Variants in LRP1B observed in about 807,000 individuals in gnomAD.
The protein encoded by LRP1B is LDL receptor related protein 1B, also known as low-density lipoprotein receptor-related protein 1B.
In LRP1B, 217 loss-of-function variants were observed where a neutral mutation model predicts 556.6. The ratio of observed to expected loss-of-function variants is 0.39; its 90% confidence interval spans 0.35 to 0.44. The LOEUF is 0.44. Ranked by LOEUF, LRP1B falls within the 20% of genes least tolerant of loss-of-function variation. The pLI is 1.00. For synonymous variants in LRP1B, 2,047 were observed against 1,865.8 expected (o/e 1.10, Z -2.50); for missense variants, 5,053 against 5,620.8 (o/e 0.90, Z 3.23).
chr2:141,234,026 A>C (rs1683566501), intron 5 of LRP1B, among the ~76,000 whole-genome samples: 1 of 152,182 alleles, frequency 6.6e-6, no homozygotes, highest in Non-Finnish European at 1.5e-5. Context: ...TCCCAGTTTT[A>C]ACTGCATAAA....
chr2:140,449,866 A>G (rs565451522), intron 63 of LRP1B, among the ~76,000 whole-genome samples: 9 of 152,254 alleles, frequency 5.9e-5, no homozygotes, highest in Admixed American at 2.0e-4. Context: ...GTGATTGACT[A>G]CGAGCATCTT....
chr2:141,961,157 C>G (rs531114009), intron 1 of LRP1B, among the ~76,000 whole-genome samples: 1 of 151,224 alleles, frequency 6.6e-6, no homozygotes, highest in Admixed American at 6.6e-5. Flanking sequence ...GTAATTTGGC[C>G]AAATTAAATT....
intron 37 of LRP1B, among the ~76,000 whole-genome samples, chr2:140,707,649 T>C (rs1379849533): frequency 6.6e-6 from 1 of 152,124 alleles, no homozygotes; most frequent in Non-Finnish European, 1.5e-5. Context: ...TATGAGTACA[T>C]GATTGGACAT....
Position 141,080,464 on chromosome 2 carries a change from A to G in LRP1B, c.1014-18191T>C, listed in dbSNP as rs529732035. ...TTTCATAACCTGCTTTTCCTGTCTT[A>G]AAAGTAAATAATATTTTATTTCTGA... On this transcript the variant is annotated intron_variant, in intron 7 of 90. Coordinates refer to ENST00000389484, the MANE Select transcript of LRP1B (RefSeq NM_018557.3). Among the ~76,000 whole-genome samples, 193 of 152,266 alleles carry G rather than the reference A, an allele frequency of 1.3e-3. 1 individual carries two copies. Among genetic ancestry groups the G allele is most frequent in the African/African-American group, 3.9e-3 (160 of 41,540 alleles).
intron 41 of LRP1B, among the ~76,000 whole-genome samples, chr2:140,697,689 G>C (rs1272143356): frequency 6.6e-6 from 1 of 151,798 alleles, no homozygotes; most frequent in Non-Finnish European, 1.5e-5. Flanking sequence ...CAGGCGCAAA[G>C]GACAAATACA....
intron 2 of LRP1B, among the ~76,000 whole-genome samples, chr2:141,513,544 T>A (rs964969250): frequency 2.6e-5 from 4 of 152,126 alleles, no homozygotes; most frequent in African/African-American, 7.2e-5. Flanking sequence ...CAAAACTAGC[T>A]TTATTCTTTG....
intron 49 of LRP1B, among the ~76,000 whole-genome samples, chr2:140,519,713 C>A (rs1440704193): frequency 6.6e-6 from 1 of 152,168 alleles, no homozygotes; most frequent in Admixed American, 6.6e-5. Context: ...CTCTACCCAT[C>A]TGACAAAGGG....
chr2:141,357,461 C>A (rs1160237329), intron 3 of LRP1B, among the ~76,000 whole-genome samples: 1 of 152,084 alleles, frequency 6.6e-6, no homozygotes, highest in African/African-American at 2.4e-5. Context: ...AGGAGTCAAA[C>A]CTAAAATGCA....
Position 140,514,791 on chromosome 2 carries a change from GAA to G in LRP1B, c.8150-21_8150-20del, listed in dbSNP as rs199711847. 9.3e-3 allele frequency: 11,647 copies of G among 1,258,872 alleles called. 676 individuals are homozygous for G. The African/African-American group carries it at 0.15, about 16-fold the overall frequency. The allele number at this position is 1,258,872 out of a possible 1,614,324, so 78.0% of individuals were successfully genotyped here. A position where few individuals can be genotyped will look rare whatever the true frequency, so the allele number is the denominator to read the frequency against. On this transcript the variant is annotated intron_variant, in intron 50 of 90. Coordinates refer to ENST00000389484, the MANE Select transcript of LRP1B (RefSeq NM_018557.3). ...GAAGAATCTAGGAAACAAACAAAAG[GAA>G]AAAAAAAAATAGTTTGAGACCGTCT... is the stretch of plus-strand genomic sequence containing the variant.
At chr2:140,505,768 C>T (rs575783976) in intron 53 of LRP1B, among the ~76,000 whole-genome samples, 79 of 152,262 alleles carry the variant, frequency 5.2e-4, no homozygotes, top group Non-Finnish European at 7.6e-4. Context: ...AGGCTATAGA[C>T]GCTGCACAGG....
intron 3 of LRP1B, among the ~76,000 whole-genome samples, chr2:141,288,260 A>T (rs1685800033): frequency 6.6e-6 from 1 of 151,722 alleles, no homozygotes; most frequent in Non-Finnish European, 1.5e-5. Context: ...TTTGTTTTCA[A>T]CTGTCCTTTG....
chr2:141,835,363 C>G (rs543609207), intron 1 of LRP1B, among the ~76,000 whole-genome samples: 1 of 152,044 alleles, frequency 6.6e-6, no homozygotes, highest in East Asian at 1.9e-4. Context: ...GTTCCACTAT[C>G]ACCCTGTCAA....
intron 2 of LRP1B, among the ~76,000 whole-genome samples, chr2:141,591,211 C>G (rs1000975701): frequency 6.6e-6 from 1 of 152,132 alleles, no homozygotes; most frequent in Admixed American, 6.6e-5. Flanking sequence ...CTAATTACTC[C>G]AGAGCTTCAT....
intron 3 of LRP1B, among the ~76,000 whole-genome samples, chr2:141,473,659 G>A (rs1005260624): frequency 1.8e-4 from 27 of 152,060 alleles, no homozygotes; most frequent in Admixed American, 6.6e-4. Flanking sequence ...AGTGTTCTGA[G>A]CTCACAAACC....
chr2:140,630,696 G>C (rs776882871), intron 41 of LRP1B, among the ~76,000 whole-genome samples: 1 of 152,134 alleles, frequency 6.6e-6, no homozygotes, highest in Non-Finnish European at 1.5e-5. Flanking sequence ...TTTCTGGCAG[G>C]GGAAAGGGAA....
intron 3 of LRP1B, among the ~76,000 whole-genome samples, chr2:141,277,728 C>T (rs1349359117): frequency 1.3e-5 from 2 of 149,924 alleles, no homozygotes; most frequent in African/African-American, 2.5e-5. Flanking sequence ...CTATGACACC[C>T]AGGGAAAGAA....
intron 18 of LRP1B, among the ~76,000 whole-genome samples, chr2:140,969,127 G>A (rs56252309): frequency 0.031 from 4,659 of 152,186 alleles, 179 homozygotes; most frequent in African/African-American, 0.09. Flanking sequence ...GTTAACAGTG[G>A]TGTGTTAAAG....
chr2:140,397,077 G>C (rs147418390), intron 66 of LRP1B, among the ~76,000 whole-genome samples: 2 of 152,280 alleles, frequency 1.3e-5, no homozygotes, highest in East Asian at 3.9e-4. Flanking sequence ...ATATATGGAA[G>C]ATTAGAAGAC....
intron 84 of LRP1B, among the ~76,000 whole-genome samples, chr2:140,294,557 T>A (rs1468723212): frequency 6.6e-6 from 1 of 152,008 alleles, no homozygotes; most frequent in Non-Finnish European, 1.5e-5. Flanking sequence ...AAAAAGCAAA[T>A]GGTGTTTAAG....
Sources: allele counts gnomAD v4.1 joint callset (sites outside exome capture counted in the v4.1 genomes callset), GRCh38; gene constraint gnomAD v4.1.1; transcripts MANE v1.5; gene names NCBI Gene and HGNC (gene_info 2026-07-23, HGNC 2026-07-21).